NXN: variants seen among roughly 807,000 people sequenced by gnomAD.
NXN encodes the protein nucleoredoxin 1.
NXN carries 16 observed loss-of-function variants against 48.6 expected under a neutral mutation model. The observed-to-expected ratio is 0.33, with a 90% confidence interval of 0.22 to 0.50. The LOEUF is 0.50. Among genes scored for constraint, NXN ranks in the 20% least tolerant of loss-of-function variants. The pLI, the probability that NXN is intolerant of heterozygous loss-of-function variation, is 0.98. For missense variants in NXN, 492 were observed against 605.5 expected, an observed-to-expected ratio of 0.81 and a Z score of 1.97; for synonymous variants, 281 against 269.6, an observed-to-expected ratio of 1.04 and a Z score of -0.41.
chr17:851,254 A>G (rs901509108), intron 1 of NXN, among the ~76,000 whole-genome samples: 1 of 152,354 alleles, frequency 6.6e-6, no homozygotes, highest in East Asian at 1.9e-4. Context: ...TCCGCTTGCC[A>G]CTTGGCTCCA....
chr17:895,803 T>TCAGCAGAGCAAGACTCC (rs1567853155), intron 1 of NXN, among the ~76,000 whole-genome samples: 2 of 147,070 alleles, frequency 1.4e-5, no homozygotes, highest in Non-Finnish European at 3.0e-5. Context: ...GGGTTTTGTT[T>TCAGCAGAGCAAGACTCC]GTCTCAAAAA....
intron 1 of NXN, among the ~76,000 whole-genome samples, chr17:915,124 T>TG (rs1258535666): frequency 1.3e-5 from 2 of 151,792 alleles, no homozygotes; most frequent in Non-Finnish European, 2.9e-5. Flanking sequence ...TTAGTAGAAA[T>TG]GGGGTTTCAC....
At position 958,711 on chromosome 17, in the gene NXN, C is replaced by G. The variant is rs6598843; in HGVS notation, c.360+20608G>C. Among the ~76,000 whole-genome samples the G allele has an allele frequency of 0.84, 128,276 of 151,814 alleles. 56,470 individuals are homozygous for G. Among genetic ancestry groups the G allele is most frequent in the Non-Finnish European group, 0.96 (65,278 of 67,960 alleles). ...ACCGAGGCGGAGGTAGAAGTGAGCC[C>G]AGATTGTGCCACTGAACTCCAGCAC... On this transcript the variant is annotated intron_variant, in intron 1 of 7. Transcript: ENST00000336868. The surrounding 1 kb of genome is among the most constrained non-coding windows in gnomAD (Gnocchi z 6.9).
rs1021677742 is a variant in NXN at position 869,912 on chromosome 17, G to A, written c.361-43834C>T. On this transcript the variant is annotated intron_variant, in intron 1 of 7. Transcript: ENST00000336868. Reference sequence around the variant, plus strand: ...TAAAAGGTGGCGTGCGAGAGCTCTCGTACTTAGGAAGGAAAGGATGGTGCC... The same window carrying A: ...TAAAAGGTGGCGTGCGAGAGCTCTCATACTTAGGAAGGAAAGGATGGTGCC... Among the ~76,000 whole-genome samples, 10 of 152,308 alleles carry A rather than the reference G, an allele frequency of 6.6e-5. No individual in the cohort carries two copies. In the East Asian group the frequency reaches 1.4e-3, roughly 21 times the overall value.
At chr17:938,038 GC>G (rs1567509681) in intron 1 of NXN, among the ~76,000 whole-genome samples, 3 of 152,230 alleles carry the variant, frequency 2.0e-5, no homozygotes, top group Non-Finnish European at 4.4e-5. Flanking sequence ...AAGAGGAATG[GC>G]TGCAGCTGGG....
intron 1 of NXN, among the ~76,000 whole-genome samples, chr17:963,513 G>A (rs1035818071): frequency 6.6e-6 from 1 of 152,078 alleles, no homozygotes; most frequent in Non-Finnish European, 1.5e-5. Context: ...GAGGTGGGAG[G>A]ATCGCTTGAA....
intron 1 of NXN, among the ~76,000 whole-genome samples, chr17:902,452 C>T (rs2068546362): frequency 6.6e-6 from 1 of 152,124 alleles, no homozygotes; most frequent in Non-Finnish European, 1.5e-5. Flanking sequence ...AGGGAGAAGG[C>T]AGTGGAGAGA....
chr17:972,393 C>A (rs562411980), intron 1 of NXN, among the ~76,000 whole-genome samples: 5 of 152,226 alleles, frequency 3.3e-5, no homozygotes, highest in African/African-American at 1.2e-4. Context: ...AGGAGAATCG[C>A]TTGAACCCAG....
chr17:830,292 G>C lies in NXN; in HGVS notation c.361-4214C>G, dbSNP rs1913384484. Among the ~76,000 whole-genome samples, 1 of 152,234 alleles carries C rather than the reference G, an allele frequency of 6.6e-6. No homozygotes were observed. Among genetic ancestry groups the C allele is most frequent in the East Asian group, 1.9e-4 (1 of 5,166 alleles). On this transcript the variant is annotated intron_variant, in intron 1 of 7. Transcript: ENST00000336868. The surrounding 1 kb of genome is among the most constrained non-coding windows in gnomAD (Gnocchi z 4.2). The stretch of plus-strand genomic sequence containing the variant: ...GCAGATGAGGCTGCTACCCTCGTGG[G>C]GCTCCTCCTCCAGTGGGAGAGGCAG...
chr17:859,963 TCAAG>T (rs1479808242), intron 1 of NXN, among the ~76,000 whole-genome samples: 1 of 152,066 alleles, frequency 6.6e-6, no homozygotes, highest in East Asian at 1.9e-4. Context: ...TTTGTAAGCA[TCAAG>T]CAAAGGGCCC....
At chr17:940,506 C>T (rs543682910) in intron 1 of NXN, among the ~76,000 whole-genome samples, 1 of 152,216 alleles carries the variant, frequency 6.6e-6, no homozygotes, top group Non-Finnish European at 1.5e-5. Context: ...ATCAATTCCA[C>T]TGAGGTCAAA....
chr17:805,023 C>CCCCCCCCCCCCCCCCCA, intron 6 of NXN, 45 bp downstream of exon 6: 25 of 1,505,554 alleles, frequency 1.7e-5, no homozygotes, highest in Non-Finnish European at 2.1e-5. Flanking sequence ...CCTCCTGTCC[C>CCCCCCCCCCCCCCCCCA]GCCCCCCAGC....
intron 1 of NXN, among the ~76,000 whole-genome samples, chr17:967,829 A>C (rs1346390858): frequency 3.3e-5 from 5 of 152,132 alleles, no homozygotes; most frequent in African/African-American, 7.2e-5. Flanking sequence ...AAAATTAGCC[A>C]GGCATGGTGG....
intron 1 of NXN, among the ~76,000 whole-genome samples, chr17:862,547 T>C (rs1003555127): frequency 1.1e-4 from 16 of 152,132 alleles, no homozygotes; most frequent in African/African-American, 3.9e-4. Context: ...AACAGATTCA[T>C]GAAAGAATCA....
chr17:957,856 C>A (rs912676586), intron 1 of NXN, among the ~76,000 whole-genome samples: 5 of 152,218 alleles, frequency 3.3e-5, no homozygotes, highest in Middle Eastern at 6.8e-3. Context: ...TGCAAACAGA[C>A]CCCCGCAGTC....
intron 1 of NXN, among the ~76,000 whole-genome samples, chr17:972,207 CAGA>C (rs1378185148): frequency 1.3e-5 from 2 of 152,246 alleles, no homozygotes; most frequent in Middle Eastern, 3.4e-3. Flanking sequence ...GAGGCTGAAG[CAGA>C]AGAATTGCTT....
At chr17:811,859 G>A (rs965824790) in intron 5 of NXN, among the ~76,000 whole-genome samples, 11 of 151,676 alleles carry the variant, frequency 7.3e-5, no homozygotes, top group Admixed American at 6.6e-4. Flanking sequence ...CACTCGGCAG[G>A]GTGATTCTCA....
chr17:961,680 C>T (rs1475291585), intron 1 of NXN, among the ~76,000 whole-genome samples: 1 of 152,214 alleles, frequency 6.6e-6, no homozygotes, highest in Admixed American at 6.5e-5. Context: ...TCCCTTAGGG[C>T]TCACTGAATC....
intron 1 of NXN, among the ~76,000 whole-genome samples, chr17:828,853 A>AT (rs1913287259): frequency 2.0e-5 from 3 of 151,926 alleles, no homozygotes; most frequent in Non-Finnish European, 4.4e-5. Flanking sequence ...AGTCAGGTTA[A>AT]TTTTTTTTAG....
Sources: gnomAD v4.1 joint callset for allele counts (sites outside exome capture counted in the v4.1 genomes callset) on GRCh38, gnomAD v4.1.1 for gene constraint, Gnocchi (gnomAD v3.1) non-coding constraint, MANE v1.5 for transcripts, NCBI Gene and HGNC (gene_info 2026-07-23, HGNC 2026-07-21) for gene names.